ZNF717: variants seen among roughly 807,000 people sequenced by gnomAD.
ZNF717 encodes zinc finger protein 717, also known as krueppel-like factor X17.
A neutral mutation model predicts 13.8 loss-of-function variants in ZNF717; 9 were observed. The ratio of observed to expected loss-of-function variants is 0.65; its 90% CI spans 0.39 to 1.14. ZNF717 has a LOEUF of 1.14. Among genes scored for constraint, ZNF717 ranks in the 50% most tolerant of loss-of-function variants. The pLI, the probability that ZNF717 is intolerant of heterozygous loss-of-function variation, is 0.01. For synonymous variants in ZNF717, 327 were observed against 364.1 expected (o/e 0.90, Z 1.16); for missense variants, 1,040 against 1,080.7 (o/e 0.96, Z 0.53).
intron 2 of ZNF717, among the ~76,000 whole-genome samples, chr3:75,742,116 T>C (rs1456365187): frequency 6.6e-6 from 1 of 152,108 alleles, no homozygotes; most frequent in African/African-American, 2.4e-5. Context: ...ACCACCCTTA[T>C]TGCTAGGGAT....
intron 2 of ZNF717, among the ~76,000 whole-genome samples, chr3:75,746,559 T>C (rs1941191874): frequency 6.6e-6 from 1 of 152,196 alleles, no homozygotes; most frequent in Non-Finnish European, 1.5e-5. Flanking sequence ...TCCTGACTTT[T>C]TAATGATCGC....
chr3:75,767,748 G>A (rs1350039979), intron 2 of ZNF717, among the ~76,000 whole-genome samples: 1 of 152,202 alleles, frequency 6.6e-6, no homozygotes, highest in African/African-American at 2.4e-5. Flanking sequence ...AGTGCTACCA[G>A]CCTCCCCTAA....
At chr3:75,772,961 T>G (rs974940972) in intron 2 of ZNF717, among the ~76,000 whole-genome samples, 1 of 152,222 alleles carries the variant, frequency 6.6e-6, no homozygotes, top group Non-Finnish European at 1.5e-5. Flanking sequence ...CAAATTTCTG[T>G]TCCAAATAGG....
rs79202307 is a variant in ZNF717, at chr3:75,741,295, G to A, written c.258C>T (p.Thr86=). 632 of 1,548,540 alleles carry A rather than the reference G, an allele frequency of 4.1e-4. No homozygotes were observed. In the African/African-American group the frequency reaches 5.5e-3, roughly 13 times the overall value. Reference sequence around the variant, plus strand: ...ACTGACCTGAAAGTCTCAGGTTTGGGGTTTCTTCTACTATCCATGGCTCTG... The same window carrying A: ...ACTGACCTGAAAGTCTCAGGTTTGGAGTTTCTTCTACTATCCATGGCTCTG... ...QGAEPWIVEE[T]PNLRLSAVQI... is the part of the protein sequence containing the mutation. Residue 86 remains threonine (T), a synonymous_variant, in exon 4 of 5, where the codon ACC becomes ACT. Coordinates refer to ENST00000652011, the MANE Select transcript of ZNF717 (RefSeq NM_001290208.3).
rs1367598029 is a variant in ZNF717, at chr3:75,736,960, T to C, written c.2663A>G (p.His888Arg). The part of the protein sequence containing the change: ...TFCQKSHLSR[H>R]QQTHIGEKSD... ...TTTCTCTCCTATATGGGTTTGTTGA[T>C]GCCTGCTGAGGTGTGACTTCTGGCA... Residue 888 changes from histidine (H) to arginine (R), a missense_variant, in exon 5 of 5, where the codon CAT becomes CGT. This residue lies in a region of ZNF717 where 44 missense variants were observed against 70.1 expected (regional missense o/e 0.63). Transcript: ENST00000652011. 4.7e-5 allele frequency: 74 copies of C among 1,570,602 alleles called. 2 individuals carry two copies. In the South Asian group the frequency reaches 7.9e-4, roughly 17 times the overall value.
intron 2 of ZNF717, among the ~76,000 whole-genome samples, chr3:75,765,233 G>C (rs530864833): frequency 6.6e-6 from 1 of 151,744 alleles, no homozygotes; most frequent in East Asian, 1.9e-4. Context: ...GAAGGAGGGG[G>C]AAATTAATAG....
At chr3:75,696,297 A>G in intron 6 of ZNF717, among the ~76,000 whole-genome samples, 1 of 152,312 alleles carries the variant, frequency 6.6e-6, no homozygotes, top group Non-Finnish European at 1.5e-5. Context: ...AACAATTAAC[A>G]AAATTAAAGC....
intron 2 of ZNF717, among the ~76,000 whole-genome samples, chr3:75,746,104 ATGAG>A (rs1941147098): frequency 6.6e-6 from 1 of 152,008 alleles, no homozygotes; most frequent in African/African-American, 2.4e-5. Context: ...ATTCCGACCT[ATGAG>A]TGAGAACATG....
At chr3:75,732,923 G>A (rs1417083780), downstream of ZNF717, among the ~76,000 whole-genome samples, 2 of 133,092 alleles carry the variant, frequency 1.5e-5, no homozygotes, top group Non-Finnish European at 3.2e-5. Context: ...GGAATTATCA[G>A]ACAGGGATTT....
chr3:75,745,830 A>C (rs1233097780), intron 2 of ZNF717, among the ~76,000 whole-genome samples: 3 of 148,068 alleles, frequency 2.0e-5, no homozygotes, highest in Non-Finnish European at 4.5e-5. Flanking sequence ...AATATACCAC[A>C]TTTTCTTTCT....
chr3:75,766,916 C>A (rs144352439), intron 2 of ZNF717, among the ~76,000 whole-genome samples: 7,470 of 148,500 alleles, frequency 0.05, no homozygotes, highest in East Asian at 0.15. Flanking sequence ...ACAAGGGGAA[C>A]TGGAATGTAT....
At chr3:75,697,468 T>G (rs1433780774) in intron 6 of ZNF717, among the ~76,000 whole-genome samples, 2 of 152,430 alleles carry the variant, frequency 1.3e-5, no homozygotes, top group South Asian at 2.1e-4. Context: ...TCCTATAAGA[T>G]CTGGTTATTT....
At chr3:75,748,487 C>T (rs1336640557) in intron 2 of ZNF717, among the ~76,000 whole-genome samples, 8 of 152,280 alleles carry the variant, frequency 5.3e-5, no homozygotes, top group African/African-American at 9.6e-5. Flanking sequence ...AAAAGCTTAT[C>T]GACCATGATC....
chr3:75,699,019 G>C (rs3009094), intron 6 of ZNF717, among the ~76,000 whole-genome samples: 138,365 of 151,690 alleles, frequency 0.91, 62,520 homozygotes, highest in East Asian at 0.98. Context: ...GACACAGAGT[G>C]AAAAATAATT....
downstream of ZNF717, among the ~76,000 whole-genome samples, chr3:75,729,615 CAAAAAAAAAAAAAAA>C (rs369485280): frequency 4.3e-5 from 5 of 115,554 alleles, no homozygotes; most frequent in African/African-American, 1.1e-4. Flanking sequence ...AACTCCATAT[CAAAAAAAAAAAAAAA>C]AAAAAAAGGA....
At chr3:75,769,785 C>G (rs1271592177) in intron 2 of ZNF717, among the ~76,000 whole-genome samples, 2 of 152,158 alleles carry the variant, frequency 1.3e-5, no homozygotes, top group African/African-American at 4.8e-5. Flanking sequence ...AACTGATGCA[C>G]ACATCCGTTT....
At chr3:75,702,191 A>C (rs1217129599) in intron 6 of ZNF717, among the ~76,000 whole-genome samples, 1 of 152,302 alleles carries the variant, frequency 6.6e-6, no homozygotes. Flanking sequence ...AGCAGGGTTT[A>C]TAATAGCCAA....
chr3:75,697,993 A>G (rs1292357265), intron 6 of ZNF717, among the ~76,000 whole-genome samples: 1 of 152,312 alleles, frequency 6.6e-6, no homozygotes, highest in Non-Finnish European at 1.5e-5. Flanking sequence ...TGTCTTAGCA[A>G]AGTGGTTGGC....
chr3:75,755,516 T>C (rs1942393552), intron 2 of ZNF717, among the ~76,000 whole-genome samples: 2 of 152,098 alleles, frequency 1.3e-5, no homozygotes, highest in African/African-American at 2.4e-5. Context: ...TACACACAGA[T>C]AGATTATGTA....
Sources: allele counts gnomAD v4.1 joint callset (sites outside exome capture counted in the v4.1 genomes callset), GRCh38; gene constraint gnomAD v4.1.1; regional missense constraint gnomAD v4.1.1; transcripts MANE v1.5; gene names NCBI Gene and HGNC (gene_info 2026-07-23, HGNC 2026-07-21).